RPSA2: variants seen among roughly 807,000 people sequenced by gnomAD.
RPSA2 encodes small ribosomal subunit protein uS2B.
At chr19:23,769,596 G>T in the RPSA2 span, among the ~76,000 whole-genome samples, 3 of 152,148 alleles carry the variant, frequency 2.0e-5, no homozygotes, top group Non-Finnish European at 4.4e-5. Flanking sequence ...CACCTGCCTT[G>T]ACCTCCCAAA....
the RPSA2 span, among the ~76,000 whole-genome samples, chr19:23,865,214 T>C: frequency 1.3e-4 from 20 of 152,316 alleles, no homozygotes; most frequent in Admixed American, 5.2e-4. Flanking sequence ...ATGGGAAGTT[T>C]CTGAATGACG....
chr19:23,797,451 G>A, the RPSA2 span, among the ~76,000 whole-genome samples: 4 of 152,184 alleles, frequency 2.6e-5, no homozygotes, highest in African/African-American at 9.6e-5. Flanking sequence ...GAACTTCTTG[G>A]TTTTTGCCTT....
chr19:23,790,678 T>G, the RPSA2 span: 3 of 388,770 alleles, frequency 7.7e-6, no homozygotes, highest in Non-Finnish European at 1.5e-5. Flanking sequence ...CTGCTCTGTG[T>G]CCTCTGACTT....
At chr19:23,792,415 T>A in the RPSA2 span, among the ~76,000 whole-genome samples, 1 of 152,148 alleles carries the variant, frequency 6.6e-6, no homozygotes, top group African/African-American at 2.4e-5. Flanking sequence ...CACAGGCAGA[T>A]GCAGATAAGG....
the RPSA2 span, among the ~76,000 whole-genome samples, chr19:23,848,951 C>G: frequency 6.6e-6 from 1 of 152,306 alleles, no homozygotes; most frequent in East Asian, 1.9e-4. Flanking sequence ...AATCTCTTAG[C>G]TCTTTTGAGA....
At chr19:23,801,827 T>A in the RPSA2 span, among the ~76,000 whole-genome samples, 1 of 152,238 alleles carries the variant, frequency 6.6e-6, no homozygotes, top group Non-Finnish European at 1.5e-5. Flanking sequence ...CTTCTCAAGT[T>A]ACAATGCTTA....
At chr19:23,772,101 A>G in the RPSA2 span, among the ~76,000 whole-genome samples, 148,909 of 152,240 alleles carry the variant, frequency 0.98, 72,919 homozygotes, top group Middle Eastern at 1. Flanking sequence ...CCACAGGGAC[A>G]TTGTGACATA....
the RPSA2 span, among the ~76,000 whole-genome samples, chr19:23,810,244 A>T: frequency 6.6e-6 from 1 of 151,984 alleles, no homozygotes; most frequent in East Asian, 1.9e-4. Context: ...ATACAAAAAA[A>T]TTAGCCGGGC....
At chr19:23,826,915 C>A in the RPSA2 span, 2 of 497,910 alleles carry the variant, frequency 4.0e-6, no homozygotes, top group Non-Finnish European at 7.3e-6. Flanking sequence ...TGATCTCGAA[C>A]TCCTTACCTT....
chr19:23,857,544 G>A, the RPSA2 span, among the ~76,000 whole-genome samples: 2 of 133,928 alleles, frequency 1.5e-5, no homozygotes, highest in Non-Finnish European at 3.1e-5. Context: ...AGGCTAGAGT[G>A]CAGTGGTTCA....
chr19:23,857,216 C>A, the RPSA2 span, among the ~76,000 whole-genome samples: 8 of 152,140 alleles, frequency 5.3e-5, no homozygotes, highest in Non-Finnish European at 1.2e-4. Flanking sequence ...ACACGTTTTA[C>A]AATCAATTTG....
chr19:23,828,782 T>G, the RPSA2 span, among the ~76,000 whole-genome samples: 15 of 152,074 alleles, frequency 9.9e-5, no homozygotes, highest in Non-Finnish European at 2.2e-4. Flanking sequence ...TTATACTGCC[T>G]TTAAGTAGTC....
the RPSA2 span, among the ~76,000 whole-genome samples, chr19:23,759,522 G>GGTTTTTTTTTTT: frequency 1.1e-5 from 1 of 89,034 alleles, no homozygotes; most frequent in African/African-American, 4.4e-5. Flanking sequence ...TATATATCAG[G>GGTTTTTTTTTTT]TTTTTTTTTT....
chr19:23,858,025 T>C, the RPSA2 span, among the ~76,000 whole-genome samples: 1 of 151,988 alleles, frequency 6.6e-6, no homozygotes. Flanking sequence ...TATCATGATG[T>C]TTATTGCATA....
the RPSA2 span, among the ~76,000 whole-genome samples, chr19:23,865,999 G>A: frequency 6.6e-6 from 1 of 152,170 alleles, no homozygotes; most frequent in African/African-American, 2.4e-5. Flanking sequence ...AGTTTAAATT[G>A]GCAAGAAATG....
chr19:23,760,270 AGTGGCTGTTTTT>A, the RPSA2 span, among the ~76,000 whole-genome samples: 2 of 151,990 alleles, frequency 1.3e-5, no homozygotes, highest in Non-Finnish European at 2.9e-5. Context: ...CTCTCCTCAA[AGTGGCTGTTTTT>A]GTGTTTTCTT....
chr19:23,861,315 A>G, the RPSA2 span, among the ~76,000 whole-genome samples: 3 of 152,316 alleles, frequency 2.0e-5, no homozygotes, highest in East Asian at 3.9e-4. Context: ...TAGGTTTCAT[A>G]TGAGTCCTTG....
At chr19:23,783,411 A>G in the RPSA2 span, among the ~76,000 whole-genome samples, 2 of 152,126 alleles carry the variant, frequency 1.3e-5, no homozygotes, top group South Asian at 2.1e-4. Context: ...ATTTATTTCA[A>G]CATATCTCTG....
the RPSA2 span, among the ~76,000 whole-genome samples, chr19:23,836,370 CAGA>C: frequency 6.6e-6 from 1 of 151,644 alleles, no homozygotes; most frequent in Admixed American, 6.6e-5. Context: ...CACACACACA[CAGA>C]CACACACACA....
Sources: gnomAD v4.1 joint callset for allele counts (sites outside exome capture counted in the v4.1 genomes callset) on GRCh38, gnomAD v4.1.1 for gene constraint, MANE v1.5 for transcripts, NCBI Gene and HGNC (gene_info 2026-07-23, HGNC 2026-07-21) for gene names.